HPSE2: variants seen among roughly 807,000 people sequenced by gnomAD.
HPSE2 encodes the protein heparanase 2 (inactive).
HPSE2 carries 38 observed loss-of-function variants against 60.5 expected under a neutral mutation model. The observed-to-expected ratio is 0.63, with a 90% confidence interval of 0.48 to 0.82. The LOEUF (loss-of-function observed/expected upper bound fraction) is 0.82, where lower values mean the gene tolerates loss of function less well. Among genes scored for constraint, HPSE2 ranks in the 40% least tolerant of loss-of-function variants. HPSE2 has a pLI of 0.00. For missense variants in HPSE2, 713 were observed against 740.4 expected (o/e 0.96, Z 0.43); for synonymous variants, 295 against 293.2 (o/e 1.01, Z -0.06).
At chr10:98,647,059 G>A (rs1437207897) in intron 6 of HPSE2, among the ~76,000 whole-genome samples, 1 of 152,202 alleles carries the variant, frequency 6.6e-6, no homozygotes, top group African/African-American at 2.4e-5. Context: ...ATCTCACAGG[G>A]ATACTGTTAG....
chr10:99,164,382 A>C (rs1589758479), intron 2 of HPSE2, among the ~76,000 whole-genome samples: 1 of 150,022 alleles, frequency 6.7e-6, no homozygotes, highest in East Asian at 2.0e-4. Context: ...GAGCTTCTAT[A>C]ATTTTTTGAC....
chr10:98,780,033 A>T (rs980659280), intron 3 of HPSE2, among the ~76,000 whole-genome samples: 1 of 152,140 alleles, frequency 6.6e-6, no homozygotes, highest in Non-Finnish European at 1.5e-5. Flanking sequence ...AAAAATTTTT[A>T]AAAATTCCAT....
intron 9 of HPSE2, among the ~76,000 whole-genome samples, chr10:98,595,640 T>A (rs1945214576): frequency 6.6e-6 from 1 of 152,190 alleles, no homozygotes; most frequent in African/African-American, 2.4e-5. Flanking sequence ...GATCATGTCA[T>A]CTGCAAAAAG....
chr10:98,555,748 A>C (rs759135066), intron 9 of HPSE2, among the ~76,000 whole-genome samples: 7 of 152,234 alleles, frequency 4.6e-5, no homozygotes, highest in Non-Finnish European at 7.3e-5. Context: ...TGATGGAATA[A>C]AGGCATTGTA....
intron 9 of HPSE2, among the ~76,000 whole-genome samples, chr10:98,595,649 A>T (rs989807946): frequency 6.6e-6 from 1 of 152,168 alleles, no homozygotes; most frequent in African/African-American, 2.4e-5. Context: ...ATCTGCAAAA[A>T]GGAACAATTT....
At chr10:99,268,368 G>T in the HPSE2 span, among the ~76,000 whole-genome samples, 2 of 152,104 alleles carry the variant, frequency 1.3e-5, no homozygotes, top group Non-Finnish European at 2.9e-5. Flanking sequence ...TCTCGGCCAG[G>T]TGCAGTGGCT....
chr10:99,298,712 G>T, the HPSE2 span, among the ~76,000 whole-genome samples: 1 of 145,564 alleles, frequency 6.9e-6, no homozygotes, highest in Non-Finnish European at 1.5e-5. Flanking sequence ...GTCTCGCTCT[G>T]TCGCCAGGCT....
intron 3 of HPSE2, among the ~76,000 whole-genome samples, chr10:98,932,244 T>C (rs1342447772): frequency 6.9e-6 from 1 of 144,458 alleles, no homozygotes; most frequent in Non-Finnish European, 1.5e-5. Context: ...TTTTTGTCTT[T>C]AGTTCTGTTT....
rs145723554 is a variant in HPSE2, at chr10:99,055,748, A to G, written c.610+88490T>C. On this transcript the variant is annotated intron_variant, in intron 3 of 11. Coordinates refer to ENST00000370552, the MANE Select transcript of HPSE2 (RefSeq NM_021828.5). The stretch of plus-strand genomic sequence containing the variant: ...CCCATGGGTCAGGGAAGAAATCAGA[A>G]GAAAAATTAGAATGTATTTCTAACT... Among the ~76,000 whole-genome samples the G allele has an allele frequency of 3.3e-3, 503 of 152,306 alleles. 2 individuals carry two copies. The highest frequency in any genetic ancestry group is 5.0e-3 in the Non-Finnish European group (343 of 68,020).
At position 98,484,887 on chromosome 10, in the gene HPSE2, C is replaced by T. The variant is rs1050088301; in HGVS notation, c.1467-2105G>A. Among the ~76,000 whole-genome samples the T allele has an allele frequency of 1.3e-4, 20 of 152,232 alleles. No individual in the cohort carries two copies. In the East Asian group the frequency reaches 3.9e-3, roughly 29 times the overall value. On this transcript the variant is annotated intron_variant, in intron 10 of 11. Transcript: ENST00000370552. ...CTCTGTAGGAAAAAATGCTTAGTTTCTAAGGGGTCCCTTAGGGCCCCATCT... is the reference window on the plus strand; with the variant it reads ...CTCTGTAGGAAAAAATGCTTAGTTTTTAAGGGGTCCCTTAGGGCCCCATCT...
intron 9 of HPSE2, among the ~76,000 whole-genome samples, chr10:98,607,029 C>T (rs1339052752): frequency 6.6e-6 from 1 of 151,828 alleles, no homozygotes; most frequent in Non-Finnish European, 1.5e-5. Context: ...TTTTTTTCCT[C>T]TTCCTGCTTT....
intron 3 of HPSE2, among the ~76,000 whole-genome samples, chr10:99,112,926 T>C (rs1490979935): frequency 6.7e-6 from 1 of 148,800 alleles, no homozygotes; most frequent in African/African-American, 2.4e-5. Context: ...TAATAAACTA[T>C]GTTTCTTTTA....
chr10:98,838,274 C>T (rs1951836666), intron 3 of HPSE2, among the ~76,000 whole-genome samples: 1 of 152,034 alleles, frequency 6.6e-6, no homozygotes, highest in East Asian at 1.9e-4. Context: ...CCTCAGTCAC[C>T]TAATCTGTAA....
intron 3 of HPSE2, among the ~76,000 whole-genome samples, chr10:98,777,220 C>T (rs1321523661): frequency 1.3e-5 from 2 of 152,274 alleles, no homozygotes; most frequent in East Asian, 3.9e-4. Flanking sequence ...AAGCCATTTA[C>T]TCTCATCCCT....
At chr10:98,848,591 T>TA (rs768397420) in intron 3 of HPSE2, among the ~76,000 whole-genome samples, 40 of 152,246 alleles carry the variant, frequency 2.6e-4, no homozygotes, top group Admixed American at 5.2e-4. Flanking sequence ...GAGTCAGAGT[T>TA]AGTCTTGTGG....
chr10:99,003,571 T>G (rs534697329), intron 3 of HPSE2, among the ~76,000 whole-genome samples: 1 of 152,150 alleles, frequency 6.6e-6, no homozygotes, highest in African/African-American at 2.4e-5. Context: ...TGGTGTTAAT[T>G]TGCATTTCTC....
intron 4 of HPSE2, among the ~76,000 whole-genome samples, chr10:98,727,018 T>C (rs1949101956): frequency 6.6e-6 from 1 of 152,122 alleles, no homozygotes; most frequent in South Asian, 2.1e-4. Context: ...AATCTTCAGC[T>C]CACCATTAAG....
At position 98,877,117 on chromosome 10, in the gene HPSE2, A is replaced by C. The variant is rs796472240; in HGVS notation, c.611-133061T>G. Among the ~76,000 whole-genome samples, 4 of 152,040 alleles carry C rather than the reference A, an allele frequency of 2.6e-5. No individual in the cohort carries two copies. The South Asian group carries it at 8.3e-4, about 31-fold the overall frequency. The stretch of plus-strand genomic sequence containing the variant: ...CCTGCTGTACAAATTCTTTTTAGAA[A>C]ATGAATGAGCGTCCTTCGTTCTATT... On this transcript the variant is annotated intron_variant, in intron 3 of 11. Coordinates refer to ENST00000370552, the MANE Select transcript of HPSE2 (RefSeq NM_021828.5).
rs750837009 is a variant in HPSE2, at chr10:98,459,560, A to G, written c.*14T>C. ...CCCAGCAGGCCCACTGGTAGCCGTG[A>G]GTGTGAGGATAGCTTATCGGTAGCG... On this transcript the variant is annotated 3_prime_UTR_variant, in exon 12 of 12. Coordinates refer to ENST00000370552, the MANE Select transcript of HPSE2 (RefSeq NM_021828.5). 5 of 1,613,890 alleles carry G rather than the reference A, an allele frequency of 3.1e-6. No homozygotes were observed. In the East Asian group the frequency reaches 1.1e-4, roughly 36 times the overall value.
Sources: gnomAD v4.1 joint callset for allele counts (sites outside exome capture counted in the v4.1 genomes callset) on GRCh38, gnomAD v4.1.1 for gene constraint, MANE v1.5 for transcripts, NCBI Gene and HGNC (gene_info 2026-07-23, HGNC 2026-07-21) for gene names.